MAST4: variants seen among roughly 807,000 people sequenced by gnomAD.
MAST4 encodes the protein microtubule associated serine/threonine kinase family member 4, also known as microtubule-associated serine/threonine-protein kinase 4.
In MAST4, 89 loss-of-function variants were observed where a neutral mutation model predicts 162.7. The ratio of observed to expected loss-of-function variants is 0.55; its 90% CI spans 0.46 to 0.65. The LOEUF (loss-of-function observed/expected upper bound fraction) is 0.65, where lower values mean the gene tolerates loss of function less well. Among genes scored for constraint, MAST4 ranks in the 30% least tolerant of loss-of-function variants. The probability of loss-of-function intolerance (pLI) is 0.00; values close to 1 mark genes in which losing one functional copy is unlikely to be tolerated. For missense variants in MAST4, 3,153 were observed against 3,374.0 expected, an observed-to-expected ratio of 0.93 and a Z score of 1.62; for synonymous variants, 1,479 against 1,361.1, an observed-to-expected ratio of 1.09 and a Z score of -1.91.
intron 15 of MAST4, 94 bp from the exon 16 acceptor site, chr5:67,131,719 A>G (rs1479492303): frequency 8.0e-7 from 1 of 1,254,112 alleles, no homozygotes; most frequent in Non-Finnish European, 1.1e-6. Flanking sequence ...GTCTATGGGT[A>G]GAGATGATTT....
intron 1 of MAST4, among the ~76,000 whole-genome samples, chr5:66,750,816 C>A (rs1753104169): frequency 6.6e-6 from 1 of 152,224 alleles, no homozygotes. Context: ...GGCCTGCCTG[C>A]CTCTGTAGGC....
chr5:66,852,010 G>C (rs1470026944), intron 3 of MAST4, among the ~76,000 whole-genome samples: 1 of 151,996 alleles, frequency 6.6e-6, no homozygotes, highest in South Asian at 2.1e-4. Context: ...TTTAGTACTG[G>C]GTTCAATGTG....
chr5:66,987,964 T>C (rs1321727258), intron 4 of MAST4, among the ~76,000 whole-genome samples: 1 of 152,250 alleles, frequency 6.6e-6, no homozygotes, highest in Non-Finnish European at 1.5e-5. Flanking sequence ...TTAATAATTA[T>C]GACGCTGTGC....
At chr5:67,074,236 C>A (rs112695686) in intron 5 of MAST4, among the ~76,000 whole-genome samples, 1 of 151,860 alleles carries the variant, frequency 6.6e-6, no homozygotes, top group African/African-American at 2.4e-5. Context: ...AAATGTACAT[C>A]AAAATGATGA....
At chr5:67,077,215 A>G (rs980414531) in intron 5 of MAST4, among the ~76,000 whole-genome samples, 8 of 152,188 alleles carry the variant, frequency 5.3e-5, no homozygotes, top group African/African-American at 1.7e-4. Flanking sequence ...AGCAGAATCT[A>G]AAGTAGTGTT....
At chr5:67,072,202 A>G (rs1761078611) in intron 5 of MAST4, among the ~76,000 whole-genome samples, 1 of 152,226 alleles carries the variant, frequency 6.6e-6, no homozygotes. Flanking sequence ...TAAATGTGAA[A>G]AGTTGGTAGA....
intron 4 of MAST4, among the ~76,000 whole-genome samples, chr5:66,995,302 G>A (rs1581138204): frequency 6.6e-6 from 1 of 152,142 alleles, no homozygotes; most frequent in African/African-American, 2.4e-5. Context: ...GTTTTCTTAA[G>A]TTTGTAAACT....
chr5:66,632,217 G>A (rs13159807), intron 1 of MAST4, among the ~76,000 whole-genome samples: 61,704 of 151,982 alleles, frequency 0.41, 13,533 homozygotes, highest in African/African-American at 0.59. Context: ...GCTTCTGAAG[G>A]AAGCTGTTAG....
intron 1 of MAST4, among the ~76,000 whole-genome samples, chr5:66,642,620 A>C (rs1177868987): frequency 6.6e-6 from 1 of 152,158 alleles, no homozygotes; most frequent in Non-Finnish European, 1.5e-5. Context: ...TTTGTAATGG[A>C]AGCTGGATTT....
chr5:67,133,753 T>G, intron 17 of MAST4, 107 bp downstream of exon 17: 1 of 1,232,030 alleles, frequency 8.1e-7, no homozygotes, highest in Non-Finnish European at 1.1e-6. Flanking sequence ...GCTGGTGGTT[T>G]AGATGTCTGT....
At chr5:66,979,880 C>A (rs797000463) in intron 4 of MAST4, among the ~76,000 whole-genome samples, 1 of 152,216 alleles carries the variant, frequency 6.6e-6, no homozygotes, top group Non-Finnish European at 1.5e-5. Flanking sequence ...ACATTTAACT[C>A]AGAACTGTCT....
intron 4 of MAST4, among the ~76,000 whole-genome samples, chr5:67,018,677 T>C (rs974668807): frequency 6.6e-6 from 1 of 152,150 alleles, no homozygotes; most frequent in Admixed American, 6.5e-5. Flanking sequence ...TAATTTAAGA[T>C]ATAGAGTATG....
At chr5:66,632,455 T>G (rs1295185800) in intron 1 of MAST4, among the ~76,000 whole-genome samples, 1 of 151,748 alleles carries the variant, frequency 6.6e-6, no homozygotes, top group African/African-American at 2.4e-5. Context: ...AAATCCTAGC[T>G]GTGAAATGGG....
Position 67,043,585 on chromosome 5 carries a change from A to G in MAST4, c.675-10819A>G, listed in dbSNP as rs544594454. On this transcript the variant is annotated intron_variant, in intron 4 of 28. Coordinates refer to ENST00000403625, the MANE Select transcript of MAST4 (RefSeq NM_001164664.2). ...TCCCTGGCCATTTGAAAATAATCTA[A>G]TGCCATTAAATTAAATTGATTAAAG... Among the ~76,000 whole-genome samples, 4 of 152,320 alleles carry G rather than the reference A, an allele frequency of 2.6e-5. No homozygotes were observed. The South Asian group carries it at 8.3e-4, about 32-fold the overall frequency.
intron 4 of MAST4, among the ~76,000 whole-genome samples, chr5:67,034,901 C>T (rs1755821884): frequency 6.6e-6 from 1 of 152,066 alleles, no homozygotes; most frequent in Non-Finnish European, 1.5e-5. Context: ...GATGAGTGCA[C>T]CCCTGTAACT....
intron 4 of MAST4, among the ~76,000 whole-genome samples, chr5:67,011,426 G>A (rs994449952): frequency 6.6e-6 from 1 of 152,212 alleles, no homozygotes. Context: ...GCTCTTGACT[G>A]TGTCTTCTGC....
intron 1 of MAST4, among the ~76,000 whole-genome samples, chr5:66,707,536 C>G (rs1750214177): frequency 6.6e-6 from 1 of 152,184 alleles, no homozygotes; most frequent in Non-Finnish European, 1.5e-5. Context: ...GTCCTTGCTT[C>G]TCAGTTTGTG....
chr5:67,096,091 T>C (rs1161208298), intron 7 of MAST4, among the ~76,000 whole-genome samples: 1 of 152,096 alleles, frequency 6.6e-6, no homozygotes, highest in African/African-American at 2.4e-5. Flanking sequence ...TGTTTTGTTT[T>C]CTTTCTCCTT....
At chr5:66,752,778 C>T (rs1753267437) in intron 1 of MAST4, among the ~76,000 whole-genome samples, 1 of 149,248 alleles carries the variant, frequency 6.7e-6, no homozygotes, top group Non-Finnish European at 1.5e-5. Context: ...TTGAACTCAG[C>T]TCTGCACCAA....
Sources: allele counts gnomAD v4.1 joint callset (sites outside exome capture counted in the v4.1 genomes callset), GRCh38; gene constraint gnomAD v4.1.1; transcripts MANE v1.5; gene names NCBI Gene and HGNC (gene_info 2026-07-23, HGNC 2026-07-21).